The following ABCB9 variants were observed in gnomAD, a reference collection of about 807,000 sequenced individuals.
ABCB9 encodes ATP binding cassette subfamily B member 9, also known as ABC-type oligopeptide transporter ABCB9.
ABCB9 carries 36 observed loss-of-function variants against 62.0 expected under a neutral mutation model. The observed-to-expected ratio is 0.58, with a 90% CI of 0.45 to 0.77. The LOEUF (loss-of-function observed/expected upper bound fraction) is 0.77, where lower values mean the gene tolerates loss of function less well. Among genes scored for constraint, ABCB9 ranks in the 30% least tolerant of loss-of-function variants. The pLI is 0.00. For synonymous variants in ABCB9, 435 were observed against 461.4 expected, an observed-to-expected ratio of 0.94 and a Z score of 0.73; for missense variants, 943 against 1,054.7, an observed-to-expected ratio of 0.89 and a Z score of 1.47.
At chr12:122,956,665 C>T (rs2036620642) in intron 2 of ABCB9, among the ~76,000 whole-genome samples, 1 of 152,214 alleles carries the variant, frequency 6.6e-6, no homozygotes. Context: ...GAATTACAGG[C>T]GTATGCCAGC....
chr12:122,949,759 A>G (rs1475198888), intron 4 of ABCB9, 29 bp downstream of exon 4: 1 of 1,612,682 alleles, frequency 6.2e-7, no homozygotes, highest in Non-Finnish European at 8.5e-7. Context: ...CCCAGCCCCC[A>G]GGACACCTAG....
At position 122,959,855 on chromosome 12, in the gene ABCB9, G is replaced by A. The variant is rs370501436; in HGVS notation, c.381C>T (p.Leu127=). Reference sequence around the variant, plus strand: ...GCCACCAGAGCAGGAAGGATGCGCCGAGTGAAATGTACGTCCACACGAACA... The same window carrying A: ...GCCACCAGAGCAGGAAGGATGCGCCAAGTGAAATGTACGTCCACACGAACA... ...WALFVWTYIS[L]GASFLLWWLL... is the part of the protein sequence containing the mutation. Residue 127 remains leucine (L), a synonymous_variant, in exon 2 of 12, where the codon CTC becomes CTT. Coordinates refer to ENST00000280560, the MANE Select transcript of ABCB9 (RefSeq NM_019625.4). The surrounding 1 kb of genome is among the most constrained non-coding windows in gnomAD (Gnocchi z 5.4). The A allele has an allele frequency of 5.5e-5, 88 of 1,613,290 alleles. No homozygotes were observed. The highest frequency in any genetic ancestry group is 1.6e-4 in the Middle Eastern group (1 of 6,084).
At chr12:122,955,857 G>A (rs1039370700) in intron 2 of ABCB9, among the ~76,000 whole-genome samples, 9 of 151,936 alleles carry the variant, frequency 5.9e-5, no homozygotes, top group Non-Finnish European at 8.8e-5. Context: ...GATTACAGGC[G>A]GCTGCCACCA....
rs750274038 is a variant in ABCB9, at chr12:122,935,389, T to C, written c.1786A>G (p.Ile596Val). The change falls in exon 10 of 12, where the codon ATC (isoleucine) becomes GTC (valine). Residue 596 changes from isoleucine to valine, a missense_variant. Ile to Val is a conservative substitution (Grantham distance 29, BLOSUM62 3). Coordinates refer to ENST00000280560, the MANE Select transcript of ABCB9 (RefSeq NM_019625.4). The stretch of plus-strand genomic sequence containing the variant: ...AGGCCGTAGGAGATGTTATCCGTGA[T>C]GGAGCGGGCGAACAGCACGGGCTCC... ...SQEPVLFARSITDNISYGLPT... is the reference protein window; with the variant it reads ...SQEPVLFARSVTDNISYGLPT... 16 of 1,613,908 alleles carry C rather than the reference T, an allele frequency of 9.9e-6. No homozygotes were observed. The highest frequency in any genetic ancestry group is 1.2e-5 in the Non-Finnish European group (14 of 1,179,982).
At chr12:122,960,885 GCAAA>G (rs200323765) in intron 1 of ABCB9, among the ~76,000 whole-genome samples, 93 of 151,732 alleles carry the variant, frequency 6.1e-4, no homozygotes, top group African/African-American at 2.0e-3. Flanking sequence ...TCTTTAAAAA[GCAAA>G]CAAACAAACA....
At chr12:122,949,089 T>C (rs1293903787) in intron 4 of ABCB9, 4 of 327,756 alleles carry the variant, frequency 1.2e-5, no homozygotes, top group Non-Finnish European at 2.2e-5. Flanking sequence ...AAGGCCCCCG[T>C]AGAGTCACAC....
chr12:122,929,018 T>C lies in ABCB9; in HGVS notation c.*893A>G, dbSNP rs2034993576. On this transcript the variant is annotated 3_prime_UTR_variant, in exon 12 of 12. Coordinates refer to ENST00000280560, the MANE Select transcript of ABCB9 (RefSeq NM_019625.4). This position sits in a 1 kb window ranked among gnomAD's most constrained non-coding sequence, Gnocchi z 6.0. ...TAGGGGTAAGAGGTAGTACACTTTA[T>C]TGACCGGGTTCTCTCAACATGTTGC... The C allele has an allele frequency of 3.0e-6, 3 of 985,938 alleles. No homozygotes were observed. The highest frequency in any genetic ancestry group is 2.4e-6 in the Non-Finnish European group (2 of 829,976). 61.1% of individuals were successfully genotyped at this position (985,938 alleles called of 1,614,324 possible). A position where few individuals can be genotyped will look rare whatever the true frequency, so the allele number is the denominator to read the frequency against.
intron 4 of ABCB9, chr12:122,949,108 C>T (rs899565680): frequency 1.0e-5 from 3 of 286,126 alleles, no homozygotes; most frequent in African/African-American, 6.6e-5. Context: ...ACAGCCTGTC[C>T]GTGACTGAGC....
At chr12:122,970,173 G>A (rs762820788), upstream of ABCB9, among the ~76,000 whole-genome samples, 6 of 152,068 alleles carry the variant, frequency 3.9e-5, no homozygotes, top group Non-Finnish European at 7.4e-5. Flanking sequence ...TCCGCCTCCC[G>A]GGGTCAAGTG....
intron 6 of ABCB9, 145 bp downstream of exon 6, chr12:122,945,877 CAAA>C (rs766455584): frequency 0.017 from 7,629 of 452,440 alleles, no homozygotes; most frequent in East Asian, 0.023. Flanking sequence ...GGCTCTGTCT[CAAA>C]AAAAAAAAAA....
intron 2 of ABCB9, among the ~76,000 whole-genome samples, chr12:122,957,925 C>T (rs12229884): frequency 0.056 from 8,446 of 150,848 alleles, 559 homozygotes; most frequent in African/African-American, 0.16. Flanking sequence ...ATCCCAGCAC[C>T]TTGGGAGGCC....
In ABCB9 at chr12:122,946,061, C is replaced by T. The variant is rs766528697; in HGVS notation, c.1215G>A (p.Glu405=). 1 of 1,613,942 alleles carries T rather than the reference C, an allele frequency of 6.2e-7. No homozygotes were observed. The highest frequency in any genetic ancestry group is 8.5e-7 in the Non-Finnish European group (1 of 1,180,022). Residue 405 remains glutamate (E), a synonymous_variant, in exon 6 of 12, where the codon GAG becomes GAA. Transcript: ENST00000280560. ...AGACGTAGTACATGTAGGCAGCTGCCTCCTTCCTGTTCAGCTTGTACACCT... is the reference window on the plus strand; with the variant it reads ...AGACGTAGTACATGTAGGCAGCTGCTTCCTTCCTGTTCAGCTTGTACACCT... ...LQQVYKLNRK[E]AAAYMYYVWG...
intron 1 of ABCB9, among the ~76,000 whole-genome samples, chr12:122,961,265 G>A (rs1299603215): frequency 1.3e-5 from 2 of 151,946 alleles, no homozygotes; most frequent in African/African-American, 4.8e-5. Context: ...CCGGCTCACC[G>A]CAACCTCCGT....
At position 122,929,580 on chromosome 12, in the gene ABCB9, G is replaced by T; in HGVS notation, c.*331C>A. 8.9e-7 allele frequency: 1 copy of T among 1,129,716 alleles called. No individual in the cohort carries two copies. Among genetic ancestry groups the T allele is most frequent in the Non-Finnish European group, 1.1e-6 (1 of 923,268 alleles). The allele number at this position is 1,129,716 out of a possible 1,614,324, so 70.0% of individuals were successfully genotyped here. ...CCGCCATTACTCCCAATTAGAAAAA[G>T]GTTTTTGAAATCTAGGAGTTGACTG... On this transcript the variant is annotated 3_prime_UTR_variant, in exon 12 of 12. Coordinates refer to ENST00000280560, the MANE Select transcript of ABCB9 (RefSeq NM_019625.4). This position sits in a 1 kb window ranked among gnomAD's most constrained non-coding sequence, Gnocchi z 6.0.
rs777961444 is a variant in ABCB9 at position 122,959,742 on chromosome 12, G to A, written c.494C>T (p.Pro165Leu). The A allele has an allele frequency of 7.8e-5, 126 of 1,611,308 alleles. No individual in the cohort carries two copies. Among genetic ancestry groups the A allele is most frequent in the Non-Finnish European group, 1.0e-4 (118 of 1,178,918 alleles). ...CGTGGCCCCAGACGCCTGCTCGGGC[G>A]GTGGCCGGCCGCTCCCAGGGAAGCC... ...AEGFPGSGRP[P>L]PEQASGATLQ... The change falls in exon 2 of 12, where the codon CCG becomes CTG. Residue 165 changes from proline to leucine, a missense_variant. Coordinates refer to ENST00000280560, the MANE Select transcript of ABCB9 (RefSeq NM_019625.4). This position sits in a 1 kb window ranked among gnomAD's most constrained non-coding sequence, Gnocchi z 5.4.
At position 122,944,301 on chromosome 12, in the gene ABCB9, G is replaced by A; in HGVS notation, c.1380+90C>T. 2.0e-6 allele frequency: 3 copies of A among 1,511,616 alleles called. No individual in the cohort carries two copies. The highest frequency in any genetic ancestry group is 1.3e-5 in the South Asian group (1 of 79,048). The allele number at this position is 1,511,616 out of a possible 1,614,324, so 93.6% of individuals were successfully genotyped here. A position where few individuals can be genotyped will look rare whatever the true frequency, so the allele number is the denominator to read the frequency against. On this transcript the variant is annotated intron_variant, in intron 7 of 11. Transcript: ENST00000280560. The surrounding 1 kb of genome is among the most constrained non-coding windows in gnomAD (Gnocchi z 4.9). The stretch of plus-strand genomic sequence containing the variant: ...TAGAGAGAAATACCACATTGTCAGA[G>A]TCCCTGGAGCCCCGCCCCCACCCTG...
chr12:122,967,754 G>A (rs2037217448), upstream of ABCB9, among the ~76,000 whole-genome samples: 1 of 152,208 alleles, frequency 6.6e-6, no homozygotes, highest in Non-Finnish European at 1.5e-5. Context: ...CTTCCAAACT[G>A]CTGGGATTAG....
upstream of ABCB9, among the ~76,000 whole-genome samples, chr12:122,970,868 C>T (rs547603758): frequency 5.3e-5 from 8 of 152,212 alleles, no homozygotes; most frequent in East Asian, 1.2e-3. Context: ...TGAAAAGGCA[C>T]GGAGGAACCT....
chr12:122,955,932 G>A (rs557473412), intron 2 of ABCB9, among the ~76,000 whole-genome samples: 8 of 152,056 alleles, frequency 5.3e-5, no homozygotes, highest in Non-Finnish European at 1.0e-4. Flanking sequence ...GGCTAGTCTC[G>A]AACTCCTAAC....
Sources: allele counts gnomAD v4.1 joint callset (sites outside exome capture counted in the v4.1 genomes callset), GRCh38; gene constraint gnomAD v4.1.1; non-coding constraint Gnocchi (gnomAD v3.1); transcripts MANE v1.5; gene names NCBI Gene and HGNC (gene_info 2026-07-23, HGNC 2026-07-21).